SGCZ: variants seen among roughly 807,000 people sequenced by gnomAD.
SGCZ encodes zeta-sarcoglycan.
SGCZ carries 40 observed loss-of-function variants against 41.3 expected under a neutral mutation model. That is an observed-to-expected ratio of 0.97 (90% CI 0.75 to 1.26). The LOEUF is 1.26. SGCZ is among the 50% of genes most tolerant of loss of function. The pLI is 0.00. For missense variants in SGCZ, 552 were observed against 369.8 expected, an observed-to-expected ratio of 1.49 and a Z score of -4.04; for synonymous variants, 206 against 137.5, an observed-to-expected ratio of 1.50 and a Z score of -3.49.
chr8:14,268,205 T>C (rs1431880302), intron 3 of SGCZ, among the ~76,000 whole-genome samples: 1 of 149,264 alleles, frequency 6.7e-6, no homozygotes, highest in East Asian at 1.9e-4. Context: ...AGACTATATA[T>C]AGAAATTATA....
chr8:14,718,654 T>A (rs778317231), intron 1 of SGCZ, among the ~76,000 whole-genome samples: 24 of 4,008 alleles, frequency 6.0e-3, no homozygotes, highest in Non-Finnish European at 0.018. Context: ...AGGAGTATGC[T>A]ATAATAAAAA....
At chr8:14,425,338 T>C (rs1284631101) in intron 2 of SGCZ, among the ~76,000 whole-genome samples, 3 of 152,114 alleles carry the variant, frequency 2.0e-5, no homozygotes, top group African/African-American at 7.2e-5. Flanking sequence ...AAGTACATCT[T>C]GGATGGTCGT....
At chr8:14,635,408 AT>A (rs1806796205) in intron 1 of SGCZ, among the ~76,000 whole-genome samples, 1 of 151,882 alleles carries the variant, frequency 6.6e-6, no homozygotes, top group Admixed American at 6.6e-5. Context: ...AAAATAAAAA[AT>A]CTCCCTAATT....
At chr8:15,193,676 C>G (rs487505) in intron 1 of SGCZ, among the ~76,000 whole-genome samples, 77,441 of 151,312 alleles carry the variant, frequency 0.51, 22,597 homozygotes, top group Non-Finnish European at 0.65. Flanking sequence ...CAATTTCTTA[C>G]AATTCTCTGT....
chr8:14,623,130 T>C (rs572170985), intron 1 of SGCZ, among the ~76,000 whole-genome samples: 1 of 152,264 alleles, frequency 6.6e-6, no homozygotes, highest in African/African-American at 2.4e-5. Flanking sequence ...TGTATTACCA[T>C]GAAGTATTTT....
chr8:14,883,467 TA>T (rs146080580), intron 1 of SGCZ, among the ~76,000 whole-genome samples: 4 of 152,112 alleles, frequency 2.6e-5, no homozygotes, highest in Admixed American at 2.0e-4. Context: ...TTTCAGTGCT[TA>T]AAAAAAGGAA....
At chr8:14,656,895 C>G (rs914505401) in intron 1 of SGCZ, among the ~76,000 whole-genome samples, 2 of 151,514 alleles carry the variant, frequency 1.3e-5, no homozygotes, top group Non-Finnish European at 2.9e-5. Context: ...GTATTAAATA[C>G]TATATAAATA....
At chr8:14,693,278 A>G (rs1188242959) in intron 1 of SGCZ, among the ~76,000 whole-genome samples, 2 of 144,360 alleles carry the variant, frequency 1.4e-5, no homozygotes, top group Non-Finnish European at 1.5e-5. Context: ...ATTTCAAAAA[A>G]GATTAATTGA....
At chr8:14,483,198 T>G (rs1278295497) in intron 2 of SGCZ, among the ~76,000 whole-genome samples, 1 of 152,154 alleles carries the variant, frequency 6.6e-6, no homozygotes, top group Non-Finnish European at 1.5e-5. Context: ...ATTTTTACAT[T>G]TCAAAAAACA....
chr8:14,428,658 A>G (rs17242772), intron 2 of SGCZ, among the ~76,000 whole-genome samples: 29,817 of 152,226 alleles, frequency 0.2, 3,672 homozygotes, highest in Non-Finnish European at 0.28. Context: ...TTTAAAATTC[A>G]GCAGAATCGG....
intron 2 of SGCZ, among the ~76,000 whole-genome samples, chr8:14,410,518 G>T (rs1057283810): frequency 6.7e-6 from 1 of 148,606 alleles, no homozygotes; most frequent in East Asian, 2.0e-4. Context: ...AATGTGAAAT[G>T]CTGTGTAATT....
rs182630508 is a variant in SGCZ at position 14,442,007 on chromosome 8, T to A, written c.234+112725A>T. Among the ~76,000 whole-genome samples the A allele has an allele frequency of 8.5e-5, 13 of 152,356 alleles. No individual in the cohort carries two copies. In the East Asian group the frequency reaches 2.5e-3, roughly 29 times the overall value. ...TCTTACTTTTTCTGAAAGCCATACA[T>A]TCCCCTGCTGGGGATAACACTGAGT... On this transcript the variant is annotated intron_variant, in intron 2 of 7. Coordinates refer to ENST00000382080, the MANE Select transcript of SGCZ (RefSeq NM_139167.4).
chr8:14,447,710 T>C (rs28491021), intron 2 of SGCZ, among the ~76,000 whole-genome samples: 4,569 of 152,276 alleles, frequency 0.03, 181 homozygotes, highest in African/African-American at 0.084. Context: ...TGACAGTATT[T>C]GGTACTGCAG....
At chr8:14,966,572 C>T (rs895664986) in intron 1 of SGCZ, among the ~76,000 whole-genome samples, 17 of 151,956 alleles carry the variant, frequency 1.1e-4, no homozygotes, top group African/African-American at 4.1e-4. Context: ...TATTTAAGAG[C>T]CTAATTTTAC....
intron 1 of SGCZ, among the ~76,000 whole-genome samples, chr8:15,223,110 A>C (rs1016501491): frequency 6.6e-6 from 1 of 152,190 alleles, no homozygotes; most frequent in Non-Finnish European, 1.5e-5. Context: ...CCCTTAAAGC[A>C]TACCTTATGA....
At chr8:14,777,224 A>C (rs1800431304) in intron 1 of SGCZ, among the ~76,000 whole-genome samples, 1 of 152,190 alleles carries the variant, frequency 6.6e-6, no homozygotes, top group Non-Finnish European at 1.5e-5. Flanking sequence ...TTTCATCATG[A>C]CGACTTGAAT....
intron 1 of SGCZ, among the ~76,000 whole-genome samples, chr8:14,985,316 T>G (rs941900540): frequency 1.3e-5 from 2 of 152,138 alleles, no homozygotes; most frequent in Non-Finnish European, 2.9e-5. Context: ...AGCATTGGTA[T>G]ACTCTCATGC....
intron 4 of SGCZ, among the ~76,000 whole-genome samples, chr8:14,200,822 C>T (rs747567131): frequency 6.6e-6 from 1 of 152,054 alleles, no homozygotes; most frequent in Non-Finnish European, 1.5e-5. Flanking sequence ...TTAAAAGCTG[C>T]TCTTTAAAAC....
intron 2 of SGCZ, among the ~76,000 whole-genome samples, chr8:14,458,143 T>G (rs768604883): frequency 6.6e-6 from 1 of 152,210 alleles, no homozygotes; most frequent in African/African-American, 2.4e-5. Flanking sequence ...TTTAGAACTA[T>G]ATTACTGGTT....
Sources: allele counts gnomAD v4.1 joint callset (sites outside exome capture counted in the v4.1 genomes callset), GRCh38; gene constraint gnomAD v4.1.1; transcripts MANE v1.5; gene names NCBI Gene and HGNC (gene_info 2026-07-23, HGNC 2026-07-21).